Variants in SOX6 observed in about 807,000 individuals in gnomAD.
SOX6 encodes SRY-box transcription factor 6.
SOX6 carries 11 observed loss-of-function variants against 97.8 expected under a neutral mutation model. That is an observed-to-expected ratio of 0.11 (90% CI 0.07 to 0.19). SOX6 has a LOEUF of 0.19. Ranked by LOEUF, SOX6 falls within the 10% of genes least tolerant of loss-of-function variation. SOX6 has a pLI of 1.00. For missense variants in SOX6, 810 were observed against 1,039.5 expected, an observed-to-expected ratio of 0.78 and a Z score of 3.04; for synonymous variants, 360 against 371.4, an observed-to-expected ratio of 0.97 and a Z score of 0.35.
At chr11:16,496,024 C>A (rs1860589479) in intron 4 of SOX6, among the ~76,000 whole-genome samples, 1 of 152,076 alleles carries the variant, frequency 6.6e-6, no homozygotes, top group South Asian at 2.1e-4. Context: ...ATGCATGTAC[C>A]CAGGATCAAA....
chr11:16,110,065 G>A (rs1849191690), intron 7 of SOX6, among the ~76,000 whole-genome samples: 2 of 152,116 alleles, frequency 1.3e-5, no homozygotes, highest in African/African-American at 4.8e-5. Context: ...TTGAAAAATG[G>A]TCTAAAATCA....
intron 4 of SOX6, among the ~76,000 whole-genome samples, chr11:16,187,318 A>G (rs921049514): frequency 2.0e-5 from 3 of 152,140 alleles, no homozygotes; most frequent in African/African-American, 7.2e-5. Flanking sequence ...GATTATATTA[A>G]TATTCTATAA....
At chr11:16,066,112 A>C (rs1590172264) in intron 9 of SOX6, among the ~76,000 whole-genome samples, 1 of 152,232 alleles carries the variant, frequency 6.6e-6, no homozygotes, top group East Asian at 1.9e-4. Flanking sequence ...ATATTTGAAT[A>C]GGTGTTTCTC....
At chr11:16,402,671 C>T (rs1449711516) in intron 1 of SOX6, 1 of 1,611,098 alleles carries the variant, frequency 6.2e-7, no homozygotes, top group East Asian at 2.2e-5. Context: ...CATTTTTCTT[C>T]TTTCCTTCCT....
At chr11:16,728,316 CCA>C (rs1414662213) in intron 2 of SOX6, among the ~76,000 whole-genome samples, 1 of 152,170 alleles carries the variant, frequency 6.6e-6, no homozygotes, top group Non-Finnish European at 1.5e-5. Context: ...AACAGACACC[CCA>C]CACAGGAGAG....
intron 2 of SOX6, among the ~76,000 whole-genome samples, chr11:16,729,392 C>T (rs201636694): frequency 1.3e-5 from 2 of 152,122 alleles, no homozygotes; most frequent in African/African-American, 2.4e-5. Context: ...CTGCAGAAAC[C>T]CTACAAGCCA....
At chr11:16,278,437 T>C (rs1854462891) in intron 3 of SOX6, among the ~76,000 whole-genome samples, 1 of 152,132 alleles carries the variant, frequency 6.6e-6, no homozygotes, top group Admixed American at 6.6e-5. Context: ...AGCTTCTTTC[T>C]TCCCACAAAT....
At chr11:16,100,254 A>G (rs895963658) in intron 7 of SOX6, among the ~76,000 whole-genome samples, 1 of 151,776 alleles carries the variant, frequency 6.6e-6, no homozygotes, top group African/African-American at 2.4e-5. Context: ...TGGATTTGAA[A>G]TGCTTTCATG....
At chr11:16,172,632 G>A (rs1453069688) in intron 6 of SOX6, among the ~76,000 whole-genome samples, 1 of 151,986 alleles carries the variant, frequency 6.6e-6, no homozygotes. Context: ...TCCTAAGCAC[G>A]ACTATCTACT....
At chr11:16,002,551 A>G (rs927567593) in intron 13 of SOX6, among the ~76,000 whole-genome samples, 1 of 152,112 alleles carries the variant, frequency 6.6e-6, no homozygotes, top group African/African-American at 2.4e-5. Context: ...CATCCCACTT[A>G]TTATCTATAT....
intron 8 of SOX6, among the ~76,000 whole-genome samples, chr11:16,096,852 G>A (rs776637911): frequency 1.3e-5 from 2 of 151,788 alleles, no homozygotes; most frequent in Non-Finnish European, 2.9e-5. Flanking sequence ...AATACTGAAT[G>A]TTTGACTTAT....
chr11:16,002,214 T>A (rs554225050), intron 13 of SOX6, among the ~76,000 whole-genome samples: 31 of 152,204 alleles, frequency 2.0e-4, no homozygotes, highest in Non-Finnish European at 4.3e-4. Context: ...AAAGGGGCTA[T>A]ACTAAAGCCT....
At chr11:16,421,620 A>G (rs1331852594) in intron 1 of SOX6, among the ~76,000 whole-genome samples, 2 of 152,206 alleles carry the variant, frequency 1.3e-5, no homozygotes, top group Admixed American at 6.5e-5. Flanking sequence ...GAATTCAATG[A>G]TATTGTACAA....
At chr11:16,101,388 C>T (rs907159769) in intron 7 of SOX6, among the ~76,000 whole-genome samples, 3 of 151,582 alleles carry the variant, frequency 2.0e-5, no homozygotes, top group African/African-American at 7.3e-5. Context: ...GTTGAGATCA[C>T]TATGTTGTTA....
At chr11:16,472,660 A>C (rs1860158842) in intron 1 of SOX6, among the ~76,000 whole-genome samples, 1 of 152,150 alleles carries the variant, frequency 6.6e-6, no homozygotes. Flanking sequence ...AACTATATTA[A>C]ACATGAACAT....
intron 4 of SOX6, among the ~76,000 whole-genome samples, chr11:16,552,840 A>G (rs1360285704): frequency 6.6e-6 from 1 of 152,212 alleles, no homozygotes; most frequent in East Asian, 1.9e-4. Flanking sequence ...TGGTACTCAT[A>G]AGTAAGTTTG....
chr11:16,202,438 A>G (rs531010996), intron 4 of SOX6, among the ~76,000 whole-genome samples: 169 of 152,292 alleles, frequency 1.1e-3, no homozygotes, highest in African/African-American at 3.8e-3. Flanking sequence ...CAATTCAACA[A>G]AAGCCATGGA....
At chr11:16,344,775 G>A (rs977368738) in intron 1 of SOX6, among the ~76,000 whole-genome samples, 32 of 151,406 alleles carry the variant, frequency 2.1e-4, no homozygotes, top group African/African-American at 7.8e-4. Flanking sequence ...TTTTATTTTT[G>A]CACTATTATA....
chr11:16,191,098 GTTAA>G (rs1851617742), intron 4 of SOX6, among the ~76,000 whole-genome samples: 1 of 152,162 alleles, frequency 6.6e-6, no homozygotes, highest in African/African-American at 2.4e-5. Flanking sequence ...CCAAAATATA[GTTAA>G]GTTTTGTTAA....
Sources: gnomAD v4.1 joint callset for allele counts (sites outside exome capture counted in the v4.1 genomes callset) on GRCh38, gnomAD v4.1.1 for gene constraint, MANE v1.5 for transcripts, NCBI Gene and HGNC (gene_info 2026-07-23, HGNC 2026-07-21) for gene names.